SAMD12: variants seen among roughly 807,000 people sequenced by gnomAD.
SAMD12 encodes the protein sterile alpha motif domain-containing protein 12.
Under a neutral mutation model 15.0 loss-of-function variants are expected in SAMD12, and 9 were observed. The observed-to-expected ratio is 0.60, with a 90% CI of 0.36 to 1.05. The LOEUF (loss-of-function observed/expected upper bound fraction) is 1.05, where lower values mean the gene tolerates loss of function less well. Ranked by LOEUF, SAMD12 falls within the 50% of genes least tolerant of loss-of-function variation. The pLI is 0.01. For missense variants in SAMD12, 230 were observed against 234.2 expected, an observed-to-expected ratio of 0.98 and a Z score of 0.12; for synonymous variants, 86 against 90.1, an observed-to-expected ratio of 0.96 and a Z score of 0.25.
intron 4 of SAMD12, among the ~76,000 whole-genome samples, chr8:118,349,202 T>A (rs1380202555): frequency 2.6e-5 from 4 of 152,360 alleles, no homozygotes. Context: ...CAATTTTTAA[T>A]ATGCCTTAAC....
At chr8:118,177,744 C>CATAAAATAAAAAAA in the SAMD12 span, among the ~76,000 whole-genome samples, 13 of 36,292 alleles carry the variant, frequency 3.6e-4, no homozygotes, top group South Asian at 0.01. Context: ...AATAAAAAAA[C>CATAAAATAAAAAAA]AACATAAAGG....
chr8:118,613,666 G>A (rs145604204), intron 1 of SAMD12, among the ~76,000 whole-genome samples: 2 of 152,128 alleles, frequency 1.3e-5, no homozygotes, highest in African/African-American at 4.8e-5. Context: ...TGGTTATTTG[G>A]CTTAACTCAG....
At chr8:118,545,992 C>A (rs1274084290) in intron 2 of SAMD12, among the ~76,000 whole-genome samples, 1 of 152,146 alleles carries the variant, frequency 6.6e-6, no homozygotes, top group South Asian at 2.1e-4. Flanking sequence ...AGCTCCAAAA[C>A]CGGGACCCTT....
At chr8:118,236,789 C>T (rs1260210291) in intron 4 of SAMD12, among the ~76,000 whole-genome samples, 2 of 152,280 alleles carry the variant, frequency 1.3e-5, no homozygotes, top group Middle Eastern at 3.4e-3. Context: ...TGGAACTTCT[C>T]TTATGCTTTA....
chr8:118,611,712 G>A (rs1828116199), intron 1 of SAMD12, among the ~76,000 whole-genome samples: 1 of 152,130 alleles, frequency 6.6e-6, no homozygotes, highest in Non-Finnish European at 1.5e-5. Context: ...TCCAACCTCA[G>A]ACAACAAGTA....
intron 4 of SAMD12, among the ~76,000 whole-genome samples, chr8:118,224,949 T>C (rs945288705): frequency 2.0e-5 from 3 of 152,230 alleles, no homozygotes; most frequent in Non-Finnish European, 2.9e-5. Flanking sequence ...TTTGGGTTTA[T>C]ATCTGTTTCC....
intron 2 of SAMD12, among the ~76,000 whole-genome samples, chr8:118,564,048 G>C (rs1826780489): frequency 6.6e-6 from 1 of 152,178 alleles, no homozygotes; most frequent in Admixed American, 6.5e-5. Flanking sequence ...AGGAGAAGGG[G>C]TCATTCAAGG....
intron 1 of SAMD12, among the ~76,000 whole-genome samples, chr8:118,614,325 T>G (rs1828185792): frequency 6.6e-6 from 1 of 152,204 alleles, no homozygotes. Context: ...ATTAATATTC[T>G]CATTTGATAG....
At chr8:118,267,701 T>TTGTGTGTGTGTG (rs10671962) in intron 4 of SAMD12, among the ~76,000 whole-genome samples, 1 of 147,504 alleles carries the variant, frequency 6.8e-6, no homozygotes, top group East Asian at 2.0e-4. Flanking sequence ...TTCCCATCTG[T>TTGTGTGTGTGTG]TGTGTGTGTG....
chr8:118,580,825 T>C lies in SAMD12; in HGVS notation c.82A>G (p.Ile28Val), dbSNP rs767726611. ...TGAGATTCCACACCTTCACCTTCAA[T>C]TTGCAGTTTAATACCTTCAGCATGG... ...PAHAEGIKLQIEGEGVESQSI... is the reference protein window; with the variant it reads ...PAHAEGIKLQVEGEGVESQSI... The change falls in exon 2 of 4, where the codon ATT becomes GTT. Residue 28 changes from isoleucine (I) to valine (V), a missense_variant. Physicochemically the swap from Ile to Val is conservative, Grantham distance 29. Transcript: ENST00000314727. 6.2e-7 allele frequency: 1 copy of C among 1,613,118 alleles called. No homozygotes were observed. The highest frequency in any genetic ancestry group is 1.7e-5 in the Admixed American group (1 of 59,920).
chr8:118,347,772 A>C (rs1167288730), intron 4 of SAMD12, among the ~76,000 whole-genome samples: 1 of 152,224 alleles, frequency 6.6e-6, no homozygotes, highest in Non-Finnish European at 1.5e-5. Context: ...TTTCACCATC[A>C]TCAAACACAC....
chr8:118,333,644 A>T (rs949913850), intron 4 of SAMD12, among the ~76,000 whole-genome samples: 1 of 151,810 alleles, frequency 6.6e-6, no homozygotes, highest in African/African-American at 2.4e-5. Flanking sequence ...GAAGGACTTG[A>T]CTTATAGTAA....
intron 4 of SAMD12, among the ~76,000 whole-genome samples, chr8:118,335,705 G>C (rs1817023144): frequency 6.6e-6 from 1 of 152,160 alleles, no homozygotes; most frequent in Admixed American, 6.5e-5. Flanking sequence ...GGTAAAATAG[G>C]AACAAGGAAG....
At position 118,283,921 on chromosome 8, in the gene SAMD12, C is replaced by T. The variant is rs74501176; in HGVS notation, c.434-86189G>A. Among the ~76,000 whole-genome samples the T allele has an allele frequency of 3.0e-3, 455 of 152,208 alleles. 2 individuals are homozygous for T. The highest frequency in any genetic ancestry group is 0.014 in the Middle Eastern group (4 of 294). On this transcript the variant is annotated intron_variant, in intron 4 of 4. Coordinates refer to the SAMD12 transcript ENST00000409003. ...CATGTTCCCATTCAAAAATACTAAG[C>T]GTGGAGAAATAATGGTTTCTGGTAT... is the stretch of plus-strand genomic sequence containing the variant.
chr8:118,134,667 C>T, the SAMD12 span, among the ~76,000 whole-genome samples: 1 of 152,148 alleles, frequency 6.6e-6, no homozygotes. Flanking sequence ...GCCCAATAAA[C>T]TTTGAGAACC....
chr8:118,320,678 G>A (rs1263694798), intron 4 of SAMD12, among the ~76,000 whole-genome samples: 2 of 147,366 alleles, frequency 1.4e-5, no homozygotes, highest in Non-Finnish European at 3.0e-5. Context: ...GGGGTGGGGG[G>A]GGTGGGGAGG....
intron 4 of SAMD12, among the ~76,000 whole-genome samples, chr8:118,294,179 A>T (rs1284976483): frequency 1.3e-5 from 2 of 152,178 alleles, no homozygotes. Flanking sequence ...AGAGTCTGCC[A>T]TGCAGCACTG....
At chr8:118,146,811 C>T in the SAMD12 span, among the ~76,000 whole-genome samples, 2 of 152,156 alleles carry the variant, frequency 1.3e-5, no homozygotes, top group African/African-American at 4.8e-5. Flanking sequence ...TTTTTTGCTA[C>T]TTCTAACTTA....
At chr8:118,168,076 T>C in the SAMD12 span, among the ~76,000 whole-genome samples, 1 of 152,244 alleles carries the variant, frequency 6.6e-6, no homozygotes, top group African/African-American at 2.4e-5. Flanking sequence ...TCATGAAATC[T>C]GATGAATTTA....
Sources: allele counts gnomAD v4.1 joint callset (sites outside exome capture counted in the v4.1 genomes callset), GRCh38; gene constraint gnomAD v4.1.1; transcripts MANE v1.5; gene names NCBI Gene and HGNC (gene_info 2026-07-23, HGNC 2026-07-21).